The following CSMD1 variants were observed in gnomAD, a reference collection of about 807,000 sequenced individuals.
The protein encoded by CSMD1 is CUB and Sushi multiple domains 1, also known as CUB and sushi domain-containing protein 1.
Under a neutral mutation model 417.5 loss-of-function variants are expected in CSMD1, and 213 were observed. That is an observed-to-expected ratio of 0.51 (90% CI 0.46 to 0.57). CSMD1 has a LOEUF of 0.57. Ranked by LOEUF, CSMD1 falls within the 20% of genes least tolerant of loss-of-function variation. CSMD1 has a pLI of 0.00. For missense variants in CSMD1, 6,923 were observed against 4,529.7 expected, an observed-to-expected ratio of 1.53 and a Z score of -15.17; for synonymous variants, 2,862 against 1,736.8, an observed-to-expected ratio of 1.65 and a Z score of -16.11.
At chr8:4,733,615 G>T (rs148648022) in intron 1 of CSMD1, among the ~76,000 whole-genome samples, 1 of 152,196 alleles carries the variant, frequency 6.6e-6, no homozygotes, top group Admixed American at 6.5e-5. Flanking sequence ...GGCCTGGAAA[G>T]CATTTTTATC....
chr8:4,539,360 A>G (rs1193569200), intron 2 of CSMD1, among the ~76,000 whole-genome samples: 1 of 152,206 alleles, frequency 6.6e-6, no homozygotes, highest in Non-Finnish European at 1.5e-5. Context: ...CACTAAGCCC[A>G]TGGATCAGCA....
intron 6 of CSMD1, among the ~76,000 whole-genome samples, chr8:3,729,972 A>G (rs1228705993): frequency 8.9e-6 from 1 of 112,756 alleles, no homozygotes; most frequent in Non-Finnish European, 1.9e-5. Flanking sequence ...CAAAAACAGA[A>G]GAACGGATAC....
At chr8:4,820,990 C>G (rs976086593) in intron 1 of CSMD1, among the ~76,000 whole-genome samples, 1 of 152,170 alleles carries the variant, frequency 6.6e-6, no homozygotes, top group Non-Finnish European at 1.5e-5. Context: ...GAGACACAAT[C>G]TGCACGTAGT....
intron 2 of CSMD1, among the ~76,000 whole-genome samples, chr8:4,465,643 C>T (rs911423810): frequency 2.6e-5 from 4 of 152,094 alleles, no homozygotes; most frequent in Non-Finnish European, 5.9e-5. Flanking sequence ...AACAAGATTT[C>T]CAAATCCCAA....
rs939557580 is a variant in CSMD1 at position 4,921,450 on chromosome 8, A to G, written c.85+72882T>C. Among the ~76,000 whole-genome samples the G allele has an allele frequency of 3.9e-5, 6 of 152,236 alleles. No homozygotes were observed. The South Asian group carries it at 1.2e-3, about 32-fold the overall frequency. On this transcript the variant is annotated intron_variant, in intron 1 of 69. Transcript: ENST00000635120. ...TATTTTTAAGATCATGTTAAAGATA[A>G]GAATGTCTTTATACTGTCCCCTGAA...
chr8:4,095,991 G>A (rs554113266), intron 3 of CSMD1, among the ~76,000 whole-genome samples: 1 of 152,082 alleles, frequency 6.6e-6, no homozygotes, highest in Non-Finnish European at 1.5e-5. Context: ...CAAAAACCCA[G>A]AGTTGTCAGA....
chr8:4,512,383 C>T (rs938932167), intron 2 of CSMD1, among the ~76,000 whole-genome samples: 1 of 152,148 alleles, frequency 6.6e-6, no homozygotes, highest in Non-Finnish European at 1.5e-5. Flanking sequence ...GGAAACAAGG[C>T]ACAAATGTCC....
intron 26 of CSMD1, among the ~76,000 whole-genome samples, chr8:3,264,715 A>T (rs1801310428): frequency 6.6e-6 from 1 of 152,236 alleles, no homozygotes; most frequent in African/African-American, 2.4e-5. Flanking sequence ...TTAATTAACT[A>T]GGAAATGATT....
intron 3 of CSMD1, among the ~76,000 whole-genome samples, chr8:4,292,758 C>A (rs1328332427): frequency 6.6e-6 from 1 of 152,134 alleles, no homozygotes; most frequent in Non-Finnish European, 1.5e-5. Flanking sequence ...ATTGTTCAAA[C>A]TGAATATTAA....
intron 2 of CSMD1, among the ~76,000 whole-genome samples, chr8:4,553,471 A>G (rs2130575118): frequency 6.6e-6 from 1 of 151,340 alleles, no homozygotes; most frequent in East Asian, 1.9e-4. Context: ...AAATGAAAGC[A>G]AACCATTTTA....
At chr8:3,504,464 G>A (rs1425768974) in intron 10 of CSMD1, among the ~76,000 whole-genome samples, 2 of 152,168 alleles carry the variant, frequency 1.3e-5, no homozygotes, top group Non-Finnish European at 2.9e-5. Flanking sequence ...GCATCCAGCA[G>A]ACACTTGATC....
Position 3,794,981 on chromosome 8 carries a change from ATATC to A in CSMD1, c.819-40943_819-40940del, listed in dbSNP as rs370225772. Among the ~76,000 whole-genome samples, 101 of 110,714 alleles carry A rather than the reference ATATC, an allele frequency of 9.1e-4. 2 individuals carry two copies. The highest frequency in any genetic ancestry group is 6.9e-3 in the South Asian group (23 of 3,334). The allele number at this position is 110,714 out of a possible 152,430, so 72.6% of individuals were successfully genotyped here. A position where few individuals can be genotyped will look rare whatever the true frequency, so the allele number is the denominator to read the frequency against. ...ATCTATCATGTATAGCTATAGATATATATCTATCTATCATGTATAGCTATAAATA... is the reference window on the plus strand; with the variant it reads ...ATCTATCATGTATAGCTATAGATATATATCTATCATGTATAGCTATAAATA... On this transcript the variant is annotated intron_variant, in intron 5 of 69. Coordinates refer to ENST00000635120, the MANE Select transcript of CSMD1 (RefSeq NM_033225.6).
chr8:4,295,704 A>G (rs1411075523), intron 3 of CSMD1, among the ~76,000 whole-genome samples: 1 of 143,948 alleles, frequency 6.9e-6, no homozygotes, highest in Non-Finnish European at 1.5e-5. Flanking sequence ...TATGTTATAT[A>G]TTGTGTTAAA....
intron 3 of CSMD1, among the ~76,000 whole-genome samples, chr8:4,313,883 G>T (rs1217966926): frequency 2.0e-5 from 3 of 151,926 alleles, no homozygotes; most frequent in Admixed American, 6.6e-5. Flanking sequence ...GCATGGTGGT[G>T]CACACCTGTA....
At chr8:4,319,231 T>C (rs1585223177) in intron 3 of CSMD1, among the ~76,000 whole-genome samples, 1 of 152,198 alleles carries the variant, frequency 6.6e-6, no homozygotes, top group South Asian at 2.1e-4. Context: ...CCCTAAATCC[T>C]GACAGTCATT....
intron 8 of CSMD1, among the ~76,000 whole-genome samples, chr8:3,612,501 T>G (rs1381307895): frequency 1.3e-5 from 2 of 152,142 alleles, no homozygotes; most frequent in Non-Finnish European, 2.9e-5. Flanking sequence ...CACTAAAATA[T>G]GTGTTATTTT....
intron 7 of CSMD1, among the ~76,000 whole-genome samples, chr8:3,704,245 C>G (rs1253790547): frequency 1.3e-5 from 2 of 152,096 alleles, no homozygotes; most frequent in Non-Finnish European, 2.9e-5. Flanking sequence ...TGGGAAAAGT[C>G]AGTCTGCACC....
At chr8:4,623,863 C>G (rs1019919268) in intron 2 of CSMD1, among the ~76,000 whole-genome samples, 1 of 151,940 alleles carries the variant, frequency 6.6e-6, no homozygotes. Flanking sequence ...GATGGATGAC[C>G]GGGGTCACAA....
Position 4,265,401 on chromosome 8 carries a change from C to A in CSMD1, c.415+154552G>T, listed in dbSNP as rs1430875106. ...TTACAATTAGTAAACAGTTAATGCA[C>A]CATATTCAGAGTTCTTCAAAGCCAG... is the stretch of plus-strand genomic sequence containing the variant. On this transcript the variant is annotated intron_variant, in intron 3 of 69. Coordinates refer to ENST00000635120, the MANE Select transcript of CSMD1 (RefSeq NM_033225.6). Among the ~76,000 whole-genome samples, 2 of 44,340 alleles carry A rather than the reference C, an allele frequency of 4.5e-5. 1 individual carries two copies. The highest frequency in any genetic ancestry group is 2.3e-4 in the Non-Finnish European group (2 of 8,580). The allele number at this position is 44,340 out of a possible 152,430, so 29.1% of individuals were successfully genotyped here.
Sources: gnomAD v4.1 joint callset for allele counts (sites outside exome capture counted in the v4.1 genomes callset) on GRCh38, gnomAD v4.1.1 for gene constraint, MANE v1.5 for transcripts, NCBI Gene and HGNC (gene_info 2026-07-23, HGNC 2026-07-21) for gene names.